The following VPS35 variants were observed in gnomAD, a reference collection of about 807,000 sequenced individuals.
The protein encoded by VPS35 is VPS35 retromer complex component.
A neutral mutation model predicts 98.1 loss-of-function variants in VPS35; 21 were observed. The observed-to-expected ratio is 0.21, with a 90% CI of 0.15 to 0.31. VPS35 has a LOEUF of 0.31. Ranked by LOEUF, VPS35 falls within the 10% of genes least tolerant of loss-of-function variation. The pLI, the probability that VPS35 is intolerant of heterozygous loss-of-function variation, is 1.00. For synonymous variants in VPS35, 268 were observed against 318.2 expected (o/e 0.84, Z 1.68); for missense variants, 554 against 950.8 (o/e 0.58, Z 5.49).
rs1043013859 is a variant in VPS35, at chr16:46,657,900, T to A, written c.*2572A>T. The A allele has an allele frequency of 1.3e-5, 2 of 152,144 alleles. No homozygotes were observed. The highest frequency in any genetic ancestry group is 4.8e-5 in the African/African-American group (2 of 41,420). 9.4% of individuals were successfully genotyped at this position (152,144 alleles called of 1,614,324 possible). The stretch of plus-strand genomic sequence containing the variant: ...AGCGTTTCCATCCACCTGTGAGGGA[T>A]TCCCCACCACACCCCAATTAAGGAC... On this transcript the variant is annotated 3_prime_UTR_variant, in exon 17 of 17. Coordinates refer to ENST00000299138, the MANE Select transcript of VPS35 (RefSeq NM_018206.6).
chr16:46,671,923 C>T, intron 11 of VPS35, 63 bp from the exon 12 acceptor site: 1 of 1,599,656 alleles, frequency 6.3e-7, no homozygotes, highest in Non-Finnish European at 8.5e-7. Flanking sequence ...AAGCCATTAT[C>T]AAAAGTGTTT....
At chr16:46,664,728 T>C (rs1965963984) in intron 13 of VPS35, among the ~76,000 whole-genome samples, 1 of 149,152 alleles carries the variant, frequency 6.7e-6, no homozygotes, top group Non-Finnish European at 1.5e-5. Flanking sequence ...TCCATATTGG[T>C]CAGGCTGGTC....
At chr16:46,664,865 C>T (rs77224712) in intron 13 of VPS35, among the ~76,000 whole-genome samples, 5 of 152,238 alleles carry the variant, frequency 3.3e-5, no homozygotes, top group East Asian at 1.9e-4. Flanking sequence ...GATACTAATT[C>T]GAAATCATTT....
Sources: gnomAD v4.1 joint callset for allele counts (sites outside exome capture counted in the v4.1 genomes callset) on GRCh38, gnomAD v4.1.1 for gene constraint, MANE v1.5 for transcripts, NCBI Gene and HGNC (gene_info 2026-07-23, HGNC 2026-07-21) for gene names.